The following TBC1D5 variants were observed in gnomAD, a reference collection of about 807,000 sequenced individuals.
TBC1D5 encodes the protein TBC1 domain family member 5, also known as TBC1 domain family, member 5.
TBC1D5 carries 75 observed loss-of-function variants against 100.3 expected under a neutral mutation model. That is an observed-to-expected ratio of 0.75 (90% confidence interval 0.62 to 0.91). The LOEUF (loss-of-function observed/expected upper bound fraction) is 0.91, where lower values mean the gene tolerates loss of function less well. Among genes scored for constraint, TBC1D5 ranks in the 40% least tolerant of loss-of-function variants. TBC1D5 has a pLI of 0.00. For synonymous variants in TBC1D5, 323 were observed against 325.6 expected (o/e 0.99, Z 0.09); for missense variants, 910 against 942.4 (o/e 0.97, Z 0.45).
At chr3:17,385,692 G>GT (rs137886602) in intron 8 of TBC1D5, among the ~76,000 whole-genome samples, 2,583 of 147,174 alleles carry the variant, frequency 0.018, 70 homozygotes, top group African/African-American at 0.059. Flanking sequence ...TTGGTTTTTT[G>GT]TTTTTTTTTT....
At chr3:17,474,302 CTG>C (rs2095413407) in intron 3 of TBC1D5, among the ~76,000 whole-genome samples, 1 of 152,102 alleles carries the variant, frequency 6.6e-6, no homozygotes, top group African/African-American at 2.4e-5. Flanking sequence ...ATAAACTTAA[CTG>C]AGATAAACGA....
chr3:17,282,451 T>C (rs572609588), intron 15 of TBC1D5, among the ~76,000 whole-genome samples: 1 of 152,312 alleles, frequency 6.6e-6, no homozygotes, highest in South Asian at 2.1e-4. Context: ...GGTTTGTAGA[T>C]TATTCTTTGC....
chr3:17,424,316 G>A (rs1229497839), intron 4 of TBC1D5, among the ~76,000 whole-genome samples: 1 of 152,164 alleles, frequency 6.6e-6, no homozygotes, highest in Non-Finnish European at 1.5e-5. Context: ...CTTTTGGCGA[G>A]GAGAAGGTCA....
intron 1 of TBC1D5, among the ~76,000 whole-genome samples, chr3:17,702,001 CA>C (rs1482727638): frequency 1.3e-5 from 2 of 151,934 alleles, no homozygotes; most frequent in East Asian, 3.9e-4. Flanking sequence ...TCCCTACTGC[CA>C]AAACTGTGTT....
At chr3:17,476,900 C>T (rs543707739) in intron 3 of TBC1D5, among the ~76,000 whole-genome samples, 24 of 151,974 alleles carry the variant, frequency 1.6e-4, no homozygotes, top group African/African-American at 5.3e-4. Flanking sequence ...GTAAGTGCGA[C>T]TGATTTTGCA....
intron 3 of TBC1D5, among the ~76,000 whole-genome samples, chr3:17,444,378 T>A (rs544773185): frequency 2.7e-4 from 41 of 152,200 alleles, no homozygotes; most frequent in African/African-American, 9.1e-4. Flanking sequence ...CAATTTTATA[T>A]TATATTATTT....
chr3:17,366,016 G>A (rs1484653099), intron 13 of TBC1D5, among the ~76,000 whole-genome samples: 2 of 152,150 alleles, frequency 1.3e-5, no homozygotes, highest in African/African-American at 2.4e-5. Context: ...TTGGCCAGGT[G>A]TGCTGGCTCA....
chr3:17,248,036 G>A (rs2076885931), intron 16 of TBC1D5, among the ~76,000 whole-genome samples: 1 of 150,600 alleles, frequency 6.6e-6, no homozygotes. Flanking sequence ...CTGTCACCCA[G>A]GCTGGAGTGT....
At chr3:17,344,944 G>A (rs941475395) in intron 13 of TBC1D5, among the ~76,000 whole-genome samples, 4 of 152,060 alleles carry the variant, frequency 2.6e-5, no homozygotes, top group African/African-American at 9.7e-5. Flanking sequence ...TTAAACGTTA[G>A]ACCTAAAACC....
chr3:17,492,918 G>A (rs778882604), intron 3 of TBC1D5, among the ~76,000 whole-genome samples: 6 of 152,120 alleles, frequency 3.9e-5, no homozygotes, highest in Non-Finnish European at 5.9e-5. Context: ...TTTTAATTGG[G>A]CATTTAGCCC....
chr3:17,476,213 TA>T (rs1452366619), intron 3 of TBC1D5, among the ~76,000 whole-genome samples: 1 of 151,860 alleles, frequency 6.6e-6, no homozygotes, highest in East Asian at 1.9e-4. Context: ...TCTATATATA[TA>T]TTTTTTCCTT....
chr3:17,413,585 A>G (rs915439708), intron 4 of TBC1D5, among the ~76,000 whole-genome samples: 6 of 152,190 alleles, frequency 3.9e-5, no homozygotes, highest in Non-Finnish European at 7.4e-5. Context: ...GTGTGAAACT[A>G]GTACCTTCTA....
chr3:17,441,043 G>C (rs931616255), intron 3 of TBC1D5, among the ~76,000 whole-genome samples: 6 of 152,128 alleles, frequency 3.9e-5, no homozygotes, highest in Admixed American at 3.3e-4. Context: ...TGGATAAGAA[G>C]CTGTGTGGTA....
intron 3 of TBC1D5, among the ~76,000 whole-genome samples, chr3:17,475,633 T>C (rs1336895111): frequency 6.6e-6 from 1 of 152,096 alleles, no homozygotes; most frequent in Non-Finnish European, 1.5e-5. Context: ...CTCTTCCCAG[T>C]CTAACCCCAC....
chr3:17,580,880 C>T (rs570586685), intron 2 of TBC1D5, among the ~76,000 whole-genome samples: 2 of 152,190 alleles, frequency 1.3e-5, no homozygotes, highest in African/African-American at 2.4e-5. Context: ...TTTCTCCTAA[C>T]CCCTTTACTA....
At chr3:17,573,149 G>A (rs375209173) in intron 2 of TBC1D5, among the ~76,000 whole-genome samples, 19 of 151,844 alleles carry the variant, frequency 1.3e-4, no homozygotes, top group Non-Finnish European at 2.1e-4. Flanking sequence ...CTTTCAAACC[G>A]CTCCTCTTGT....
At chr3:17,518,352 G>C (rs1194213331) in intron 2 of TBC1D5, among the ~76,000 whole-genome samples, 1 of 152,184 alleles carries the variant, frequency 6.6e-6, no homozygotes, top group East Asian at 1.9e-4. Context: ...AGCCAGCACA[G>C]AGAAGGAAGT....
rs891644974 is a variant in TBC1D5 at position 17,565,209 on chromosome 3, C to G, written c.-35-56604G>C. ...ACTAGGAGGTCAATCCTACAATCAT[C>G]TTTTCCCAAATGGTCACTACTCCAA... On this transcript the variant is annotated intron_variant, in intron 2 of 21. Transcript: ENST00000253692. 8.9e-4 allele frequency among the ~76,000 whole-genome samples: 136 copies of G among 152,226 alleles called. 1 individual carries two copies. Among genetic ancestry groups the G allele is most frequent in the African/African-American group, 3.0e-3 (126 of 41,564 alleles).
chr3:17,537,482 C>T (rs2096293695), intron 2 of TBC1D5, among the ~76,000 whole-genome samples: 1 of 152,090 alleles, frequency 6.6e-6, no homozygotes, highest in Admixed American at 6.6e-5. Flanking sequence ...TTTTTCTTGG[C>T]CAAGAGGGGG....
Sources: allele counts gnomAD v4.1 joint callset (sites outside exome capture counted in the v4.1 genomes callset), GRCh38; gene constraint gnomAD v4.1.1; transcripts MANE v1.5; gene names NCBI Gene and HGNC (gene_info 2026-07-23, HGNC 2026-07-21).